The following CRMP1 variants were observed in gnomAD, a reference collection of about 807,000 sequenced individuals.
CRMP1 encodes the protein dihydropyrimidinase-related protein 1.
CRMP1 carries 19 observed loss-of-function variants against 68.3 expected under a neutral mutation model. That is an observed-to-expected ratio of 0.28 (90% CI 0.19 to 0.41). CRMP1 has a LOEUF of 0.41. Ranked by LOEUF, CRMP1 falls within the 10% of genes least tolerant of loss-of-function variation. The pLI, the probability that CRMP1 is intolerant of heterozygous loss-of-function variation, is 1.00. For synonymous variants in CRMP1, 439 were observed against 399.6 expected (o/e 1.10, Z -1.18); for missense variants, 791 against 967.4 (o/e 0.82, Z 2.42).
intron 8 of CRMP1, 96 bp from the exon 9 acceptor site, chr4:5,839,774 G>A: frequency 2.9e-6 from 4 of 1,385,036 alleles, no homozygotes; most frequent in Non-Finnish European, 3.9e-6. Context: ...GGGAGAACGG[G>A]GCTGGCTGAA....
In CRMP1 at chr4:5,825,537, G is replaced by A. The variant is rs748776898; in HGVS notation, c.1926C>T (p.Pro642=). The A allele has an allele frequency of 2.1e-5, 33 of 1,592,818 alleles. No homozygotes were observed. The highest frequency in any genetic ancestry group is 2.0e-5 in the Non-Finnish European group (23 of 1,172,796). ...ACTGGTGGAGGTTTCTGATGGGTGG[G>A]GGCTGGTGTTTAGAAGGCGAAGATT... ...SAKSSPSKHQ[P]PPIRNLHQSN... The change falls in exon 13 of 14, where the codon CCC becomes CCT. Residue 642 remains proline, a synonymous_variant. Transcript: ENST00000324989. The surrounding 1 kb of genome is among the most constrained non-coding windows in gnomAD (Gnocchi z 4.4).
intron 6 of CRMP1, among the ~76,000 whole-genome samples, chr4:5,847,627 G>C (rs889569789): frequency 4.0e-4 from 61 of 152,210 alleles, no homozygotes; most frequent in African/African-American, 1.5e-3. Context: ...CAAGGACTCA[G>C]ATAAGAAGAA....
chr4:5,849,355 G>C (rs1406432574), intron 6 of CRMP1, 37 bp downstream of exon 6: 1 of 1,517,856 alleles, frequency 6.6e-7, no homozygotes, highest in Non-Finnish European at 9.1e-7. Context: ...AGGAGAATCA[G>C]ACTGAGGTAG....
rs1317412508 is a variant in CRMP1, at chr4:5,892,256, C to T, written c.381+333G>A. On this transcript the variant is annotated intron_variant, in intron 1 of 13. Transcript: ENST00000324989. This position sits in a 1 kb window ranked among gnomAD's most constrained non-coding sequence, Gnocchi z 8.6. ...TGAGGGGCCTGGGTTAGATTCATCC[C>T]AGAGGTTCCTTCGCGTTTAAGCGTC... Among the ~76,000 whole-genome samples the T allele has an allele frequency of 1.3e-5, 2 of 152,230 alleles. No individual in the cohort carries two copies. Among genetic ancestry groups the T allele is most frequent in the African/African-American group, 2.4e-5 (1 of 41,472 alleles).
Position 5,841,489 on chromosome 4 carries a change from T to C in CRMP1, c.1033-61A>G. 6.2e-7 allele frequency: 1 copy of C among 1,600,120 alleles called. No homozygotes were observed. The highest frequency in any genetic ancestry group is 8.5e-7 in the Non-Finnish European group (1 of 1,170,902). On this transcript the variant is annotated intron_variant, in intron 7 of 13. Coordinates refer to ENST00000324989, the MANE Select transcript of CRMP1 (RefSeq NM_001014809.3). This position sits in a 1 kb window ranked among gnomAD's most constrained non-coding sequence, Gnocchi z 6.9. ...GCTGGTGTAACAGCTACCACCCATCTCCATTTTCCTTAATTGAATGTGATC... is the reference window on the plus strand; with the variant it reads ...GCTGGTGTAACAGCTACCACCCATCCCCATTTTCCTTAATTGAATGTGATC...
intron 1 of CRMP1, among the ~76,000 whole-genome samples, chr4:5,884,165 T>C (rs914780093): frequency 6.6e-6 from 1 of 152,204 alleles, no homozygotes; most frequent in Admixed American, 6.5e-5. Context: ...GATTTCACCA[T>C]ATGCATGACA....
rs1330894372 is a variant in CRMP1 at position 5,838,212 on chromosome 4, G to A, written c.1311-1306C>T. ...CCATGAGTGTAAAGGCCCCGAGGCA[G>A]GGTCCTGCCTGGGGTTCAGGGTCAG... On this transcript the variant is annotated intron_variant, in intron 9 of 13. Transcript: ENST00000324989. This position sits in a 1 kb window ranked among gnomAD's most constrained non-coding sequence, Gnocchi z 4.9. Among the ~76,000 whole-genome samples the A allele has an allele frequency of 6.6e-6, 1 of 152,170 alleles. No individual in the cohort carries two copies. Among genetic ancestry groups the A allele is most frequent in the East Asian group, 1.9e-4 (1 of 5,190 alleles).
In CRMP1 at chr4:5,891,254, G is replaced by A. The variant is rs1364519619; in HGVS notation, c.381+1335C>T. Reference sequence around the variant, plus strand: ...TCTCCCTCGCGAGGCTCCGGCTTCAGGACCACGGAGAGCTCTGGAGCAACA... The same window carrying A: ...TCTCCCTCGCGAGGCTCCGGCTTCAAGACCACGGAGAGCTCTGGAGCAACA... On this transcript the variant is annotated intron_variant, in intron 1 of 13. Transcript: ENST00000324989. The surrounding 1 kb of genome is among the most constrained non-coding windows in gnomAD (Gnocchi z 5.2). Among the ~76,000 whole-genome samples, 2 of 142,234 alleles carry A rather than the reference G, an allele frequency of 1.4e-5. No homozygotes were observed. Among genetic ancestry groups the A allele is most frequent in the African/African-American group, 2.5e-5 (1 of 39,942 alleles). The allele number at this position is 142,234 out of a possible 152,430, so 93.3% of individuals were successfully genotyped here.
intron 4 of CRMP1, among the ~76,000 whole-genome samples, chr4:5,852,063 G>A (rs1204939549): frequency 6.6e-6 from 1 of 152,216 alleles, no homozygotes; most frequent in Non-Finnish European, 1.5e-5. Context: ...TAAGGATAAG[G>A]AAGGGTGTGA....
In CRMP1 at chr4:5,889,603, C is replaced by G. The variant is rs768407904; in HGVS notation, c.381+2986G>C. ...CTCACTGGACAGGTGCCCCAAGTTCCCAGGCAGAATAAAACACCAACCTTG... is the reference window on the plus strand; with the variant it reads ...CTCACTGGACAGGTGCCCCAAGTTCGCAGGCAGAATAAAACACCAACCTTG... On this transcript the variant is annotated intron_variant, in intron 1 of 13. Transcript: ENST00000324989. The surrounding 1 kb of genome is among the most constrained non-coding windows in gnomAD (Gnocchi z 4.5). The G allele has an allele frequency of 1.3e-5, 20 of 1,536,038 alleles. No homozygotes were observed. The South Asian group carries it at 2.4e-4, about 18-fold the overall frequency.
chr4:5,884,401 C>A (rs565749093), intron 1 of CRMP1, among the ~76,000 whole-genome samples: 2 of 151,702 alleles, frequency 1.3e-5, no homozygotes, highest in East Asian at 1.9e-4. Context: ...ACCCCCACAC[C>A]CACACACAAA....
intron 1 of CRMP1, among the ~76,000 whole-genome samples, chr4:5,876,321 G>A (rs1013738525): frequency 6.6e-6 from 1 of 152,022 alleles, no homozygotes; most frequent in African/African-American, 2.4e-5. Flanking sequence ...CAGGAAGTTG[G>A]GGTGAGGGCA....
chr4:5,887,417 G>T (rs746398599), intron 1 of CRMP1: 20 of 985,552 alleles, frequency 2.0e-5, no homozygotes, highest in Non-Finnish European at 2.4e-5. Context: ...CATCCCTCAG[G>T]AACAGTCAGG....
intron 1 of CRMP1, among the ~76,000 whole-genome samples, chr4:5,869,930 ACAGAAGG>A (rs1714325977): frequency 6.6e-6 from 1 of 152,156 alleles, no homozygotes; most frequent in Non-Finnish European, 1.5e-5. Context: ...GAGGAAGTGC[ACAGAAGG>A]CACTTCAGTG....
chr4:5,835,132 G>A (rs1720649564), intron 11 of CRMP1, among the ~76,000 whole-genome samples: 1 of 152,146 alleles, frequency 6.6e-6, no homozygotes, highest in South Asian at 2.1e-4. Context: ...AGCCCATGGG[G>A]CCATGGGAAC....
In CRMP1 at chr4:5,866,729, G is replaced by A. The variant is rs745621595; in HGVS notation, c.409C>T (p.Arg137Trp). 2.4e-5 allele frequency: 38 copies of A among 1,612,298 alleles called. No homozygotes were observed. Among genetic ancestry groups the A allele is most frequent in the Middle Eastern group, 3.7e-4 (2 of 5,458 alleles). ...QSDRLLIKGG[R>W]IINDDQSLYA... ...AGGGATTGGTCATCGTTGATGATCC[G>A]TCCACCTTTGATGAGGAGTCGGTCA... Residue 137 changes from arginine to tryptophan, a missense_variant, in exon 2 of 14, where the codon CGG becomes TGG. By Grantham distance (101) the Arg-to-Trp change is moderately radical (BLOSUM62 -3). Coordinates refer to ENST00000324989, the MANE Select transcript of CRMP1 (RefSeq NM_001014809.3). This position sits in a 1 kb window ranked among gnomAD's most constrained non-coding sequence, Gnocchi z 5.9.
At chr4:5,830,691 G>GTT (rs1720309665) in intron 11 of CRMP1, among the ~76,000 whole-genome samples, 1 of 152,284 alleles carries the variant, frequency 6.6e-6, no homozygotes, top group East Asian at 1.9e-4. Context: ...CTGCCAAACT[G>GTT]TTTGGTTTAT....
intron 11 of CRMP1, among the ~76,000 whole-genome samples, chr4:5,833,827 G>A (rs771891226): frequency 2.6e-5 from 4 of 152,074 alleles, no homozygotes; most frequent in African/African-American, 7.2e-5. Context: ...GGCGGATCAC[G>A]AGGTCAGGAG....
At chr4:5,835,865 T>A (rs1287477416) in intron 11 of CRMP1, 50 bp downstream of exon 11, 1 of 1,376,342 alleles carries the variant, frequency 7.3e-7, no homozygotes, top group Non-Finnish European at 9.5e-7. Flanking sequence ...TTAAAAATGA[T>A]TACAACGAAG....
Sources: allele counts gnomAD v4.1 joint callset (sites outside exome capture counted in the v4.1 genomes callset), GRCh38; gene constraint gnomAD v4.1.1; non-coding constraint Gnocchi (gnomAD v3.1); transcripts MANE v1.5; gene names NCBI Gene and HGNC (gene_info 2026-07-23, HGNC 2026-07-21).